Variants in SNTG1 observed in about 807,000 individuals in gnomAD.
SNTG1 encodes the protein syntrophin gamma 1, also known as gamma-1-syntrophin.
In SNTG1, 39 loss-of-function variants were observed where a neutral mutation model predicts 74.7. That is an observed-to-expected ratio of 0.52 (90% confidence interval 0.40 to 0.68). The LOEUF (loss-of-function observed/expected upper bound fraction) is 0.68. SNTG1 is among the 30% of genes least tolerant of loss of function. The probability of loss-of-function intolerance (pLI) is 0.00; values close to 1 mark genes in which losing one functional copy is unlikely to be tolerated. For missense variants in SNTG1, 685 were observed against 609.5 expected (o/e 1.12, Z -1.30); for synonymous variants, 254 against 217.1 (o/e 1.17, Z -1.49).
At chr8:50,014,196 G>T (rs1445279315) in intron 1 of SNTG1, among the ~76,000 whole-genome samples, 1 of 152,112 alleles carries the variant, frequency 6.6e-6, no homozygotes, top group Non-Finnish European at 1.5e-5. Flanking sequence ...CATTTTTGGA[G>T]CTTCACTAAA....
At chr8:50,780,440 A>T (rs1009695827) in intron 18 of SNTG1, among the ~76,000 whole-genome samples, 3 of 152,158 alleles carry the variant, frequency 2.0e-5, no homozygotes, top group Middle Eastern at 3.2e-3. Flanking sequence ...GGTAGCGTGT[A>T]TGTGTCAAGG....
intron 1 of SNTG1, among the ~76,000 whole-genome samples, chr8:50,133,657 G>T (rs2081383428): frequency 6.6e-6 from 1 of 152,092 alleles, no homozygotes; most frequent in Non-Finnish European, 1.5e-5. Context: ...TCTTTGACAG[G>T]TCTAAGCTTA....
chr8:50,692,277 T>C (rs1236388973), intron 15 of SNTG1, among the ~76,000 whole-genome samples: 1 of 152,208 alleles, frequency 6.6e-6, no homozygotes, highest in East Asian at 1.9e-4. Context: ...TCCAACTTTG[T>C]TCCACTGCTG....
At chr8:50,782,336 G>A (rs1381663520) in intron 18 of SNTG1, among the ~76,000 whole-genome samples, 2 of 152,152 alleles carry the variant, frequency 1.3e-5, no homozygotes, top group Non-Finnish European at 2.9e-5. Context: ...TCACTTTCAG[G>A]TACACCAGTC....
intron 2 of SNTG1, among the ~76,000 whole-genome samples, chr8:50,356,858 G>T (rs1161530149): frequency 1.3e-5 from 2 of 152,108 alleles, no homozygotes; most frequent in Non-Finnish European, 2.9e-5. Flanking sequence ...AACTCATTGG[G>T]ATTCATGGAG....
intron 1 of SNTG1, among the ~76,000 whole-genome samples, chr8:49,926,520 A>G (rs995152752): frequency 2.0e-5 from 3 of 152,154 alleles, no homozygotes; most frequent in Non-Finnish European, 4.4e-5. Flanking sequence ...TAAATATGAA[A>G]CAACTGAACA....
At chr8:50,054,232 C>A (rs750515008) in intron 1 of SNTG1, among the ~76,000 whole-genome samples, 2 of 152,056 alleles carry the variant, frequency 1.3e-5, no homozygotes, top group Non-Finnish European at 2.9e-5. Flanking sequence ...CCCTTCTGGG[C>A]AGCTCCCTTC....
intron 4 of SNTG1, among the ~76,000 whole-genome samples, chr8:50,422,854 A>T (rs924810394): frequency 6.6e-6 from 1 of 152,208 alleles, no homozygotes; most frequent in Non-Finnish European, 1.5e-5. Context: ...TTCCCTAGTC[A>T]GGTGATCTCT....
intron 10 of SNTG1, among the ~76,000 whole-genome samples, chr8:50,533,651 G>C (rs2094286786): frequency 6.6e-6 from 1 of 152,054 alleles, no homozygotes; most frequent in Non-Finnish European, 1.5e-5. Context: ...TTCTTTAAAG[G>C]ATAGCTTGTG....
chr8:50,727,271 C>A lies in SNTG1; in HGVS notation c.1284+18293C>A, dbSNP rs187421496. Among the ~76,000 whole-genome samples the A allele has an allele frequency of 9.0e-4, 137 of 152,070 alleles. 2 individuals are homozygous for A. Among genetic ancestry groups the A allele is most frequent in the Middle Eastern group, 6.8e-3 (2 of 294 alleles). The stretch of plus-strand genomic sequence containing the variant: ...GATGGAGTAAAAGTGCTGACAATCC[C>A]TAAAATAAATTAAAGAAGAGAGTGG... On this transcript the variant is annotated intron_variant, in intron 17 of 18. Coordinates refer to ENST00000642720, the MANE Select transcript of SNTG1 (RefSeq NM_018967.5).
At chr8:50,481,394 A>G (rs1161417754) in intron 8 of SNTG1, among the ~76,000 whole-genome samples, 1 of 152,142 alleles carries the variant, frequency 6.6e-6, no homozygotes, top group Non-Finnish European at 1.5e-5. Context: ...AACAACAACA[A>G]CAACAACAAA....
intron 1 of SNTG1, among the ~76,000 whole-genome samples, chr8:49,944,675 A>G (rs548289877): frequency 2.3e-4 from 35 of 151,634 alleles, no homozygotes; most frequent in African/African-American, 7.7e-4. Context: ...ACATGTATAC[A>G]TGTGTAACTA....
intron 18 of SNTG1, among the ~76,000 whole-genome samples, chr8:50,763,035 A>G (rs2095603467): frequency 6.6e-6 from 1 of 151,870 alleles, no homozygotes; most frequent in Non-Finnish European, 1.5e-5. Context: ...ACTTGTCCAC[A>G]CTGAGCCTCC....
chr8:50,588,656 A>G (rs1040158541), intron 12 of SNTG1, among the ~76,000 whole-genome samples: 3 of 152,194 alleles, frequency 2.0e-5, no homozygotes, highest in Non-Finnish European at 4.4e-5. Flanking sequence ...TTCTTTTTGA[A>G]TATTTTTACA....
chr8:49,996,236 T>C (rs1246060226), intron 1 of SNTG1, among the ~76,000 whole-genome samples: 1 of 152,116 alleles, frequency 6.6e-6, no homozygotes, highest in Non-Finnish European at 1.5e-5. Flanking sequence ...TGAGATGATA[T>C]GATTTTTGTA....
chr8:50,782,493 G>A (rs1039732400), intron 18 of SNTG1, among the ~76,000 whole-genome samples: 9 of 151,886 alleles, frequency 5.9e-5, no homozygotes, highest in Non-Finnish European at 7.4e-5. Context: ...CCAGTTGATC[G>A]CATTGGCTCC....
rs144995474 is a variant in SNTG1, at chr8:50,154,310, T to A, written c.-102-18251T>A. 3.8e-3 allele frequency among the ~76,000 whole-genome samples: 585 copies of A among 152,200 alleles called. 6 individuals are homozygous for A. Among genetic ancestry groups the A allele is most frequent in the African/African-American group, 0.013 (555 of 41,534 alleles). ...AGTATTAGGGTGGGAGTGACCCAAT[T>A]TTCCAGGTACTGTCTGTCACCGCTT... On this transcript the variant is annotated intron_variant, in intron 1 of 18. Transcript: ENST00000642720.
intron 12 of SNTG1, among the ~76,000 whole-genome samples, chr8:50,574,753 T>C (rs1197473754): frequency 2.6e-5 from 4 of 152,250 alleles, no homozygotes; most frequent in Admixed American, 2.6e-4. Context: ...ATGTAAGTCA[T>C]TTAAAATATT....
rs958452543 is a variant in SNTG1, at chr8:50,121,939, A to G, written c.-102-50622A>G. On this transcript the variant is annotated intron_variant, in intron 1 of 18. Coordinates refer to ENST00000642720, the MANE Select transcript of SNTG1 (RefSeq NM_018967.5). ...TAAATACAAATCTTAAGTTTTCTGG[A>G]TAGGAAAATTTTTAGTAATAGTGCA... Among the ~76,000 whole-genome samples, 6 of 142,344 alleles carry G rather than the reference A, an allele frequency of 4.2e-5. 1 individual carries two copies. The highest frequency in any genetic ancestry group is 9.4e-5 in the Non-Finnish European group (6 of 63,914). The allele number at this position is 142,344 out of a possible 152,430, so 93.4% of individuals were successfully genotyped here. A position where few individuals can be genotyped will look rare whatever the true frequency, so the allele number is the denominator to read the frequency against.
Sources: allele counts gnomAD v4.1 joint callset (sites outside exome capture counted in the v4.1 genomes callset), GRCh38; gene constraint gnomAD v4.1.1; transcripts MANE v1.5; gene names NCBI Gene and HGNC (gene_info 2026-07-23, HGNC 2026-07-21).